Variants in MASP1 observed in about 807,000 individuals in gnomAD.
MASP1 encodes MBL associated serine protease 1, also known as mannan-binding lectin serine protease 1.
A neutral mutation model predicts 77.1 loss-of-function variants in MASP1; 59 were observed. The observed-to-expected ratio is 0.77, with a 90% CI of 0.62 to 0.95. The LOEUF (loss-of-function observed/expected upper bound fraction) is 0.95. Ranked by LOEUF, MASP1 falls within the 40% of genes least tolerant of loss-of-function variation. The probability of loss-of-function intolerance (pLI) is 0.00; values close to 1 mark genes in which losing one functional copy is unlikely to be tolerated. For missense variants in MASP1, 885 were observed against 912.9 expected (o/e 0.97, Z 0.39); for synonymous variants, 362 against 354.5 (o/e 1.02, Z -0.24).
chr3:187,259,688 G>A (rs1715394425), intron 4 of MASP1, among the ~76,000 whole-genome samples: 1 of 152,096 alleles, frequency 6.6e-6, no homozygotes, highest in African/African-American at 2.4e-5. Context: ...GAAAAATCCT[G>A]CACGTGCCTG....
intron 10 of MASP1, 32 bp from the exon 11 acceptor site, chr3:187,236,599 G>A (rs1313762379): frequency 3.1e-6 from 5 of 1,613,384 alleles, no homozygotes; most frequent in Non-Finnish European, 4.2e-6. Flanking sequence ...AGGGACAAGA[G>A]ACAGAGACTG....
In MASP1 at chr3:187,234,094, A is replaced by G; in HGVS notation, c.*1590T>C. 1.6e-6 allele frequency: 2 copies of G among 1,274,224 alleles called. No homozygotes were observed. Among genetic ancestry groups the G allele is most frequent in the Middle Eastern group, 6.7e-4 (2 of 2,988 alleles). 78.9% of individuals were successfully genotyped at this position (1,274,224 alleles called of 1,614,324 possible). On this transcript the variant is annotated 3_prime_UTR_variant, in exon 11 of 11. Transcript: ENST00000296280. ...CATAAGCCAAGGCTGTTGGTTATCC[A>G]CGAGGGTTTATTTCCACTTGAGACC...
chr3:187,223,964 T>A (rs1323559908), intron 13 of MASP1, among the ~76,000 whole-genome samples: 1 of 152,170 alleles, frequency 6.6e-6, no homozygotes, highest in Non-Finnish European at 1.5e-5. Context: ...GCTTGCATGG[T>A]TCGTAAATAA....
At chr3:187,241,685 C>T in intron 9 of MASP1, 130 bp from the exon 10 acceptor site, 1 of 697,808 alleles carries the variant, frequency 1.4e-6, no homozygotes, top group Non-Finnish European at 2.7e-6. Flanking sequence ...CATCTAGGCT[C>T]AGATACGATT....
At chr3:187,231,109 G>A (rs1712740435), downstream of MASP1, among the ~76,000 whole-genome samples, 1 of 152,212 alleles carries the variant, frequency 6.6e-6, no homozygotes, top group South Asian at 2.1e-4. Flanking sequence ...AGAGCCCAAT[G>A]AGTGGGAACT....
exon 14 of MASP1, chr3:187,223,189 T>C: frequency 6.2e-7 from 1 of 1,614,036 alleles, no homozygotes; most frequent in Non-Finnish European, 8.5e-7. Flanking sequence ...ACGATGACCA[T>C]GGCTCCTGGA....
chr3:187,229,483 G>A (rs921781978), downstream of MASP1, among the ~76,000 whole-genome samples: 1 of 152,058 alleles, frequency 6.6e-6, no homozygotes, highest in Non-Finnish European at 1.5e-5. Flanking sequence ...GATTCCCAAG[G>A]GTGAGTTTCC....
At chr3:187,266,532 T>C (rs1375682383) in intron 2 of MASP1, among the ~76,000 whole-genome samples, 1 of 152,080 alleles carries the variant, frequency 6.6e-6, no homozygotes, top group Non-Finnish European at 1.5e-5. Context: ...ATCTTTGAGC[T>C]GGAGACTGAA....
chr3:187,282,432 G>A (rs1717498693), intron 2 of MASP1, among the ~76,000 whole-genome samples: 1 of 149,698 alleles, frequency 6.7e-6, no homozygotes, highest in South Asian at 2.1e-4. Context: ...GGGAGGTGGA[G>A]TTTGCACTGA....
At chr3:187,273,404 G>C (rs1194731830) in intron 2 of MASP1, among the ~76,000 whole-genome samples, 2 of 152,208 alleles carry the variant, frequency 1.3e-5, no homozygotes, top group African/African-American at 4.8e-5. Context: ...AAGACGATCA[G>C]AGCAAAGTGA....
chr3:187,267,606 C>T (rs554635069), intron 2 of MASP1, among the ~76,000 whole-genome samples: 61 of 152,350 alleles, frequency 4.0e-4, no homozygotes, highest in African/African-American at 1.4e-3. Flanking sequence ...ACTCTGCACC[C>T]GGCTCTTTAT....
chr3:187,236,378 A>T lies in MASP1; in HGVS notation c.1493T>A (p.Val498Glu). The change falls in exon 11 of 11, where the codon GTG becomes GAG. Residue 498 changes from valine (V) to glutamate (E), a missense_variant. By Grantham distance (121) the Val-to-Glu change is moderately radical. Coordinates refer to ENST00000296280, the MANE Select transcript of MASP1 (RefSeq NM_139125.4). Reference sequence around the variant, plus strand: ...GGTGTCTCTACGCTGGGAGCGCAGCACATGAGCTGCTGTGAGGATCCAGGA... The same window carrying T: ...GGTGTCTCTACGCTGGGAGCGCAGCTCATGAGCTGCTGTGAGGATCCAGGA... ...SASWILTAAH[V>E]LRSQRRDTTV... 6.2e-7 allele frequency: 1 copy of T among 1,614,232 alleles called. No individual in the cohort carries two copies. Among genetic ancestry groups the T allele is most frequent in the Non-Finnish European group, 8.5e-7 (1 of 1,180,036 alleles).
chr3:187,232,179 C>T (rs564719591), downstream of MASP1, among the ~76,000 whole-genome samples: 6 of 152,196 alleles, frequency 3.9e-5, no homozygotes, highest in Non-Finnish European at 7.4e-5. Context: ...TTTACAACTC[C>T]TCCTCTTGGC....
chr3:187,265,319 G>C (rs1445333719), intron 2 of MASP1, among the ~76,000 whole-genome samples: 1 of 152,174 alleles, frequency 6.6e-6, no homozygotes, highest in African/African-American at 2.4e-5. Context: ...ACATTTTCAA[G>C]TGAACACACT....
At chr3:187,246,838 G>T in intron 8 of MASP1, 1 of 1,005,958 alleles carries the variant, frequency 9.9e-7, no homozygotes, top group Non-Finnish European at 1.2e-6. Flanking sequence ...TCCACACTCT[G>T]TGAGTTATTA....
In MASP1 at chr3:187,234,414, G is replaced by C; in HGVS notation, c.*1270C>G. ...GAAGCTCTGAGTGCTCCAGCTAGAA[G>C]GAACCTGCAGGGGACCTTATGCCAG... On this transcript the variant is annotated 3_prime_UTR_variant, in exon 11 of 11. Coordinates refer to ENST00000296280, the MANE Select transcript of MASP1 (RefSeq NM_139125.4). The C allele has an allele frequency of 2.3e-6, 3 of 1,287,108 alleles. No homozygotes were observed. Among genetic ancestry groups the C allele is most frequent in the Non-Finnish European group, 3.0e-6 (3 of 988,564 alleles). The allele number at this position is 1,287,108 out of a possible 1,614,324, so 79.7% of individuals were successfully genotyped here.
intron 15 of MASP1, chr3:187,220,918 C>T: frequency 3.9e-6 from 3 of 765,246 alleles, no homozygotes. Flanking sequence ...TTCCTCCAGT[C>T]CCCCGCGCCC....
intron 4 of MASP1, among the ~76,000 whole-genome samples, chr3:187,258,885 A>G (rs547152413): frequency 6.6e-6 from 1 of 152,288 alleles, no homozygotes; most frequent in South Asian, 2.1e-4. Context: ...AGTTGCTCTG[A>G]ACATATTCTG....
intron 2 of MASP1, among the ~76,000 whole-genome samples, chr3:187,278,884 T>C (rs1362041421): frequency 6.6e-6 from 1 of 152,174 alleles, no homozygotes; most frequent in Non-Finnish European, 1.5e-5. Flanking sequence ...CCAGTTTATT[T>C]TGACTTTACT....
Sources: allele counts gnomAD v4.1 joint callset (sites outside exome capture counted in the v4.1 genomes callset), GRCh38; gene constraint gnomAD v4.1.1; transcripts MANE v1.5; gene names NCBI Gene and HGNC (gene_info 2026-07-23, HGNC 2026-07-21).